Variants in QDPR observed in about 807,000 individuals in gnomAD.
QDPR encodes the protein quinoid dihydropteridine reductase.
In QDPR, 23 loss-of-function variants were observed where a neutral mutation model predicts 31.7. The observed-to-expected ratio is 0.73, with a 90% confidence interval of 0.52 to 1.03. QDPR has a LOEUF of 1.03. Among genes scored for constraint, QDPR ranks in the 50% least tolerant of loss-of-function variants. The pLI, the probability that QDPR is intolerant of heterozygous loss-of-function variation, is 0.00. For missense variants in QDPR, 324 were observed against 323.8 expected (o/e 1.00, Z 0.00); for synonymous variants, 124 against 124.7 (o/e 0.99, Z 0.03).
At chr4:17,505,660 C>T (rs1017966470) in intron 2 of QDPR, among the ~76,000 whole-genome samples, 2 of 152,106 alleles carry the variant, frequency 1.3e-5, no homozygotes, top group South Asian at 2.1e-4. Context: ...AAGACCAGCC[C>T]GGGCAACATA....
chr4:17,489,718 G>A (rs1046925148), intron 6 of QDPR, among the ~76,000 whole-genome samples: 1 of 152,168 alleles, frequency 6.6e-6, no homozygotes, highest in South Asian at 2.1e-4. Context: ...AATGGTGACT[G>A]GGACATAAAA....
intron 3 of QDPR, among the ~76,000 whole-genome samples, chr4:17,502,612 C>T (rs1226402122): frequency 6.6e-6 from 1 of 152,220 alleles, no homozygotes; most frequent in Non-Finnish European, 1.5e-5. Flanking sequence ...GGTTATCAAG[C>T]TGTTTTGCTA....
At chr4:17,498,252 A>G (rs1426898762) in intron 4 of QDPR, among the ~76,000 whole-genome samples, 1 of 152,230 alleles carries the variant, frequency 6.6e-6, no homozygotes, top group African/African-American at 2.4e-5. Flanking sequence ...CCAAGGGACC[A>G]ATCACAAAAC....
At chr4:17,508,525 A>G (rs1237385321) in intron 2 of QDPR, among the ~76,000 whole-genome samples, 1 of 152,118 alleles carries the variant, frequency 6.6e-6, no homozygotes, top group Non-Finnish European at 1.5e-5. Context: ...CCTGCAAAAA[A>G]CTCAAATGTA....
intron 4 of QDPR, among the ~76,000 whole-genome samples, chr4:17,493,063 C>G (rs978175979): frequency 6.6e-6 from 1 of 152,204 alleles, no homozygotes; most frequent in Non-Finnish European, 1.5e-5. Context: ...TCCTCAGTTG[C>G]TGCATCTGTA....
At chr4:17,510,869 A>G (rs1718981093) in intron 1 of QDPR, among the ~76,000 whole-genome samples, 1 of 152,160 alleles carries the variant, frequency 6.6e-6, no homozygotes, top group African/African-American at 2.4e-5. Context: ...GTCCCCAAGC[A>G]CTGAGCAGAT....
intron 4 of QDPR, among the ~76,000 whole-genome samples, chr4:17,493,290 C>A (rs893375763): frequency 2.6e-5 from 4 of 152,130 alleles, no homozygotes; most frequent in Non-Finnish European, 5.9e-5. Context: ...CAAAAATTAG[C>A]CATGCCTGCT....
At chr4:17,504,253 A>G in intron 3 of QDPR, 126 bp downstream of exon 3, 2 of 788,910 alleles carry the variant, frequency 2.5e-6, no homozygotes, top group South Asian at 1.5e-5. Context: ...TCTCTCCCCG[A>G]GCAACTGTAA....
At chr4:17,488,252 C>A (rs1261761193) in intron 6 of QDPR, among the ~76,000 whole-genome samples, 1 of 151,352 alleles carries the variant, frequency 6.6e-6, no homozygotes, top group Non-Finnish European at 1.5e-5. Context: ...CCCAGTGAGA[C>A]CCTGTCTCAA....
intron 4 of QDPR, among the ~76,000 whole-genome samples, chr4:17,499,918 T>C (rs1034765065): frequency 6.6e-6 from 1 of 151,432 alleles, no homozygotes; most frequent in African/African-American, 2.4e-5. Context: ...TCTAAAAAAA[T>C]AAACAACTGA....
intron 5 of QDPR, among the ~76,000 whole-genome samples, chr4:17,491,107 T>C (rs1487253773): frequency 6.6e-6 from 1 of 152,208 alleles, no homozygotes; most frequent in African/African-American, 2.4e-5. Context: ...AGCACACTCA[T>C]TTCTAAGGAT....
intron 4 of QDPR, chr4:17,492,547 G>A (rs1455538853): frequency 3.3e-6 from 2 of 601,170 alleles, no homozygotes; most frequent in Non-Finnish European, 3.0e-6. Flanking sequence ...ACGTGGGTTG[G>A]GAATTATGGC....
chr4:17,498,769 G>A (rs529314481), intron 4 of QDPR, among the ~76,000 whole-genome samples: 9 of 152,248 alleles, frequency 5.9e-5, no homozygotes, highest in African/African-American at 2.2e-4. Flanking sequence ...TACAAACTTG[G>A]AAATAGGAGG....
chr4:17,494,034 T>C (rs970609578), intron 4 of QDPR, among the ~76,000 whole-genome samples: 9 of 152,174 alleles, frequency 5.9e-5, no homozygotes, highest in Admixed American at 4.6e-4. Flanking sequence ...TAATGTGCCC[T>C]GGAACCCGAC....
chr4:17,490,849 T>A, intron 5 of QDPR, 104 bp from the exon 6 acceptor site: 1 of 808,942 alleles, frequency 1.2e-6, no homozygotes, highest in Non-Finnish European at 2.1e-6. Flanking sequence ...CAGGACAACC[T>A]AGAGCCTCTG....
At chr4:17,492,209 G>A in intron 5 of QDPR, 23 bp downstream of exon 5, 2 of 1,603,198 alleles carry the variant, frequency 1.2e-6, no homozygotes, top group South Asian at 1.1e-5. Flanking sequence ...GTGGGCAGCA[G>A]CCAGGGAACC....
intron 6 of QDPR, among the ~76,000 whole-genome samples, chr4:17,489,416 T>A (rs1428724183): frequency 6.6e-6 from 1 of 152,120 alleles, no homozygotes; most frequent in African/African-American, 2.4e-5. Flanking sequence ...AAAAAGAAAT[T>A]CAAACACAAA....
Position 17,501,728 on chromosome 4 carries a change from C to T in QDPR, c.427G>A (p.Gly143Arg), listed in dbSNP as rs751886498. 1.2e-6 allele frequency: 2 copies of T among 1,613,938 alleles called. No individual in the cohort carries two copies. Among genetic ancestry groups the T allele is most frequent in the African/African-American group, 2.7e-5 (2 of 74,936 alleles). Residue 143 changes from glycine to arginine, a missense_variant, in exon 4 of 7, where the codon GGG (glycine) becomes AGG (arginine). Gly to Arg is a moderately radical substitution (Grantham distance 125). Coordinates refer to ENST00000281243, the MANE Select transcript of QDPR (RefSeq NM_000320.3). ...TLAGAKAALDGTPGMIGYGMA... is the reference protein window; with the variant it reads ...TLAGAKAALDRTPGMIGYGMA... ...GGAAATAAAGGCTTACCAGGAGTCCCATCCAGGGCAGCCTTTGCGCCAGCC... is the reference window on the plus strand; with the variant it reads ...GGAAATAAAGGCTTACCAGGAGTCCTATCCAGGGCAGCCTTTGCGCCAGCC...
intron 3 of QDPR, among the ~76,000 whole-genome samples, chr4:17,504,149 T>C (rs1718668210): frequency 6.6e-6 from 1 of 152,306 alleles, no homozygotes; most frequent in Middle Eastern, 3.4e-3. Context: ...ATTCTGCCTC[T>C]ACTTTAAACT....
Sources: gnomAD v4.1 joint callset for allele counts (sites outside exome capture counted in the v4.1 genomes callset) on GRCh38, gnomAD v4.1.1 for gene constraint, MANE v1.5 for transcripts, NCBI Gene and HGNC (gene_info 2026-07-23, HGNC 2026-07-21) for gene names.